The following AP3S2 variants were observed in gnomAD, a reference collection of about 807,000 sequenced individuals.
The protein encoded by AP3S2 is AP-3 complex subunit sigma-2.
AP3S2 carries 22 observed loss-of-function variants against 23.4 expected under a neutral mutation model. The observed-to-expected ratio is 0.94, with a 90% CI of 0.67 to 1.34. The LOEUF (loss-of-function observed/expected upper bound fraction) is 1.34. Among genes scored for constraint, AP3S2 ranks in the 40% most tolerant of loss-of-function variants. The probability of loss-of-function intolerance (pLI) is 0.00; values close to 1 mark genes in which losing one functional copy is unlikely to be tolerated. For missense variants in AP3S2, 241 were observed against 236.9 expected, an observed-to-expected ratio of 1.02 and a Z score of -0.11; for synonymous variants, 86 against 87.1, an observed-to-expected ratio of 0.99 and a Z score of 0.07.
intron 3 of AP3S2, among the ~76,000 whole-genome samples, chr15:89,879,016 G>C (rs1376870882): frequency 6.6e-6 from 1 of 152,226 alleles, no homozygotes; most frequent in Admixed American, 6.5e-5. Context: ...AAAGCGTTGG[G>C]ATTACGGGCG....
intron 4 of AP3S2, among the ~76,000 whole-genome samples, chr15:89,843,660 A>G (rs1184328304): frequency 6.6e-6 from 1 of 152,036 alleles, no homozygotes; most frequent in African/African-American, 2.4e-5. Flanking sequence ...AACAAAAGTT[A>G]GCTGGGCAGA....
chr15:89,884,596 TAGTA>T (rs1014059243), intron 3 of AP3S2, among the ~76,000 whole-genome samples: 16 of 151,780 alleles, frequency 1.1e-4, no homozygotes, highest in Admixed American at 1.3e-4. Flanking sequence ...AGATTTTACT[TAGTA>T]AGTAATTTTG....
chr15:89,885,934 CAAAA>C (rs34323747), intron 3 of AP3S2, among the ~76,000 whole-genome samples: 19 of 104,894 alleles, frequency 1.8e-4, no homozygotes, highest in Admixed American at 2.1e-4. Context: ...GACCTTGTCT[CAAAA>C]AAAAAAAAAA....
At chr15:89,867,902 C>A (rs975783387) in intron 4 of AP3S2, among the ~76,000 whole-genome samples, 5 of 130,466 alleles carry the variant, frequency 3.8e-5, no homozygotes, top group Non-Finnish European at 8.9e-5. Context: ...CCGGCAGCCA[C>A]CCCGTCCGGG....
chr15:89,859,702 C>CT (rs949197989), intron 4 of AP3S2, among the ~76,000 whole-genome samples: 17 of 148,020 alleles, frequency 1.1e-4, no homozygotes, highest in African/African-American at 3.2e-4. Flanking sequence ...GCCCTTCTTT[C>CT]TTTTTTTTTC....
intron 4 of AP3S2, among the ~76,000 whole-genome samples, chr15:89,854,118 TG>T (rs1228806733): frequency 1.4e-4 from 4 of 28,752 alleles, no homozygotes; most frequent in African/African-American, 1.4e-4. Context: ...GGGAGGGAGG[TG>T]GGGGGGTCAG....
chr15:89,849,639 T>C (rs1431556674), intron 4 of AP3S2, among the ~76,000 whole-genome samples: 1 of 152,142 alleles, frequency 6.6e-6, no homozygotes, highest in Non-Finnish European at 1.5e-5. Flanking sequence ...AGTGCTGGGA[T>C]TACAGGCATG....
intron 3 of AP3S2, among the ~76,000 whole-genome samples, chr15:89,881,297 A>G (rs1386540765): frequency 1.3e-5 from 2 of 152,212 alleles, no homozygotes; most frequent in African/African-American, 4.8e-5. Context: ...CTCTGAACTT[A>G]ATACAGTATA....
chr15:89,858,136 G>A (rs1272958655), intron 4 of AP3S2, among the ~76,000 whole-genome samples: 3 of 151,990 alleles, frequency 2.0e-5, no homozygotes, highest in Non-Finnish European at 4.4e-5. Context: ...TTCTTAGTTA[G>A]GAATCAAGAG....
intron 4 of AP3S2, among the ~76,000 whole-genome samples, chr15:89,843,392 C>T (rs1895380932): frequency 6.6e-6 from 1 of 150,970 alleles, no homozygotes; most frequent in South Asian, 2.1e-4. Flanking sequence ...AATCCCAGCA[C>T]TTTGGGAGGC....
chr15:89,890,226 T>G (rs575149207), intron 1 of AP3S2, among the ~76,000 whole-genome samples: 2 of 152,160 alleles, frequency 1.3e-5, no homozygotes, highest in East Asian at 3.9e-4. Context: ...ATTTTTGTAT[T>G]TATAGTAGAG....
In AP3S2 at chr15:89,833,835, C is replaced by CA. The variant is rs1357900502; in HGVS notation, c.*1679dup. Reference sequence around the variant, plus strand: ...GGCACAAACCACAGGGAGCGCTGTTCAAAAATGGAAAACAAGGTGGCCCTG... The same window carrying CA: ...GGCACAAACCACAGGGAGCGCTGTTCAAAAAATGGAAAACAAGGTGGCCCTG... On this transcript the variant is annotated 3_prime_UTR_variant, in exon 6 of 6. Coordinates refer to ENST00000336418, the MANE Select transcript of AP3S2 (RefSeq NM_005829.5). 2 of 152,202 alleles carry CA rather than the reference C, an allele frequency of 1.3e-5. No individual in the cohort carries two copies. Among genetic ancestry groups the CA allele is most frequent in the Non-Finnish European group, 2.9e-5 (2 of 68,072 alleles). The allele number at this position is 152,202 out of a possible 1,614,324, so 9.4% of individuals were successfully genotyped here. A position where few individuals can be genotyped will look rare whatever the true frequency, so the allele number is the denominator to read the frequency against.
intron 4 of AP3S2, among the ~76,000 whole-genome samples, chr15:89,853,104 G>A (rs551053943): frequency 6.6e-6 from 1 of 152,200 alleles, no homozygotes; most frequent in Non-Finnish European, 1.5e-5. Context: ...TTTGAGGAAG[G>A]TGGTGGAGGG....
intron 4 of AP3S2, among the ~76,000 whole-genome samples, chr15:89,841,082 G>A (rs992782958): frequency 4.6e-5 from 7 of 152,164 alleles, no homozygotes; most frequent in East Asian, 1.9e-4. Flanking sequence ...TAGGGACTTC[G>A]AAGATAGACA....
At chr15:89,868,164 T>G (rs1209716491) in intron 4 of AP3S2, among the ~76,000 whole-genome samples, 12 of 40,546 alleles carry the variant, frequency 3.0e-4, no homozygotes, top group Admixed American at 5.1e-4. Flanking sequence ...GGGAGGGAGG[T>G]GGGGGGGTCA....
intron 4 of AP3S2, among the ~76,000 whole-genome samples, chr15:89,862,197 C>A (rs1376257732): frequency 6.6e-6 from 1 of 152,104 alleles, no homozygotes; most frequent in Non-Finnish European, 1.5e-5. Flanking sequence ...CTGCCAGAAA[C>A]AATCAAGAGA....
intron 4 of AP3S2, among the ~76,000 whole-genome samples, chr15:89,867,990 G>A (rs1475695729): frequency 9.0e-5 from 13 of 144,542 alleles, no homozygotes; most frequent in East Asian, 2.2e-4. Flanking sequence ...AGGGAGGTGG[G>A]GGGGTCAGCC....
intron 3 of AP3S2, among the ~76,000 whole-genome samples, chr15:89,884,337 C>T (rs1295898743): frequency 6.6e-6 from 1 of 151,722 alleles, no homozygotes; most frequent in Admixed American, 6.6e-5. Context: ...TATAATTCTT[C>T]TATTTAATAG....
chr15:89,859,168 T>TTCCG (rs1466112739), intron 4 of AP3S2, among the ~76,000 whole-genome samples: 2 of 151,162 alleles, frequency 1.3e-5, no homozygotes, highest in East Asian at 3.9e-4. Context: ...CCAAGTGTCC[T>TTCCG]TCCTTCCTTC....
Sources: gnomAD v4.1 joint callset for allele counts (sites outside exome capture counted in the v4.1 genomes callset) on GRCh38, gnomAD v4.1.1 for gene constraint, MANE v1.5 for transcripts, NCBI Gene and HGNC (gene_info 2026-07-23, HGNC 2026-07-21) for gene names.